Variants in CBL observed in about 807,000 individuals in gnomAD.
CBL encodes Cbl proto-oncogene, also known as E3 ubiquitin-protein ligase CBL.
Under a neutral mutation model 96.9 loss-of-function variants are expected in CBL, and 45 were observed. That is an observed-to-expected ratio of 0.46 (90% CI 0.37 to 0.60). CBL has a LOEUF of 0.60. Among genes scored for constraint, CBL ranks in the 20% least tolerant of loss-of-function variants. The pLI is 0.00. For synonymous variants in CBL, 420 were observed against 426.8 expected, an observed-to-expected ratio of 0.98 and a Z score of 0.20; for missense variants, 1,024 against 1,143.5, an observed-to-expected ratio of 0.90 and a Z score of 1.51.
intron 11 of CBL, among the ~76,000 whole-genome samples, chr11:119,286,431 C>A (rs1949985017): frequency 1.3e-5 from 2 of 152,126 alleles, no homozygotes; most frequent in Admixed American, 1.3e-4. Context: ...AGGTTATTCC[C>A]AGATAGGGCA....
rs1282381568 is a variant in CBL at position 119,307,176 on chromosome 11, A to G, written c.*7395A>G. 1 of 232,102 alleles carries G rather than the reference A, an allele frequency of 4.3e-6. No homozygotes were observed. Among genetic ancestry groups the G allele is most frequent in the Non-Finnish European group, 8.5e-6 (1 of 117,182 alleles). 14.4% of individuals were successfully genotyped at this position (232,102 alleles called of 1,614,324 possible). A position where few individuals can be genotyped will look rare whatever the true frequency, so the allele number is the denominator to read the frequency against. On this transcript the variant is annotated 3_prime_UTR_variant, in exon 16 of 16. Transcript: ENST00000264033. ...CTGTGAGACTTCAGTGGAGGAGAGAAGCATTGTACCCTGGGATCATTTGGT... is the reference window on the plus strand; with the variant it reads ...CTGTGAGACTTCAGTGGAGGAGAGAGGCATTGTACCCTGGGATCATTTGGT...
chr11:119,249,680 A>G (rs1026346407), intron 2 of CBL, among the ~76,000 whole-genome samples: 1 of 145,750 alleles, frequency 6.9e-6, no homozygotes, highest in African/African-American at 2.5e-5. Flanking sequence ...TTTTTTTTTT[A>G]ATTGAGACAG....
chr11:119,257,943 G>T (rs1204636261), intron 2 of CBL, among the ~76,000 whole-genome samples: 1 of 152,070 alleles, frequency 6.6e-6, no homozygotes, highest in East Asian at 1.9e-4. Flanking sequence ...AAAAATACTT[G>T]TGGCCGGGTG....
Position 119,273,941 on chromosome 11 carries a change from A to C in CBL, c.664A>C (p.Met222Leu), listed in dbSNP as rs773611782. 1.9e-5 allele frequency: 31 copies of C among 1,613,906 alleles called. No individual in the cohort carries two copies. The highest frequency in any genetic ancestry group is 2.2e-5 in the Non-Finnish European group (26 of 1,179,842). Residue 222 changes from methionine to leucine, a missense_variant, in exon 4 of 16, where the codon ATG becomes CTG. Physicochemically the swap from Met to Leu is conservative, Grantham distance 15. Transcript: ENST00000264033. The part of the protein sequence containing the change: ...VHPISSGLEA[M>L]ALKSTIDLTC... ...TCCCATCAGTTCTGGGCTGGAGGCCATGGCTCTGAAATCCACTATTGATCT... is the reference window on the plus strand; with the variant it reads ...TCCCATCAGTTCTGGGCTGGAGGCCCTGGCTCTGAAATCCACTATTGATCT...
intron 12 of CBL, among the ~76,000 whole-genome samples, chr11:119,290,897 C>T (rs538650789): frequency 1.3e-4 from 19 of 151,910 alleles, no homozygotes; most frequent in African/African-American, 4.1e-4. Context: ...AGGCTGGTCT[C>T]GAACTCCTGA....
intron 14 of CBL, 152 bp downstream of exon 14, chr11:119,297,633 T>G: frequency 1.4e-6 from 1 of 692,062 alleles, no homozygotes; most frequent in East Asian, 2.8e-5. Context: ...AATTTTTGTA[T>G]TTTTAGTAGA....
intron 2 of CBL, among the ~76,000 whole-genome samples, chr11:119,245,725 G>A (rs936066637): frequency 9.2e-5 from 14 of 151,848 alleles, no homozygotes; most frequent in Admixed American, 3.3e-4. Flanking sequence ...GCAAAACTCC[G>A]TCTCAAAAAA....
Position 119,274,952 on chromosome 11 carries a change from A to G in CBL, c.868A>G (p.Ser290Gly), listed in dbSNP as rs780039741. ...RLQKFIHKPG[S>G]YIFRLSCTRL... ...CCAGAAATTCATTCACAAACCTGGC[A>G]GGTCAGTTCAATGACGCAAAGAGAT... The change falls in exon 5 of 16, where the codon AGT (serine) becomes GGT (glycine). Residue 290 changes from serine (S) to glycine (G), a missense_variant and splice_region_variant. By Grantham distance (56) the Ser-to-Gly change is moderately conservative. Coordinates refer to ENST00000264033, the MANE Select transcript of CBL (RefSeq NM_005188.4). 2 of 1,613,818 alleles carry G rather than the reference A, an allele frequency of 1.2e-6. No homozygotes were observed. The highest frequency in any genetic ancestry group is 1.1e-5 in the South Asian group (1 of 91,034).
intron 2 of CBL, among the ~76,000 whole-genome samples, chr11:119,260,231 TTTTTTCTTTTTC>T (rs1396496140): frequency 2.0e-5 from 3 of 152,114 alleles, no homozygotes; most frequent in East Asian, 3.9e-4. Context: ...TTCTTTTTTT[TTTTTTCTTTTTC>T]TTTTCTTTTC....
intron 11 of CBL, among the ~76,000 whole-genome samples, 182 bp from the exon 12 acceptor site, chr11:119,287,670 T>C (rs972910073): frequency 1.2e-4 from 19 of 152,234 alleles, no homozygotes; most frequent in African/African-American, 3.9e-4. Context: ...CTCTAAACTT[T>C]ACATTTGAAG....
In CBL at chr11:119,307,809, A is replaced by C. The variant is rs1382176944; in HGVS notation, c.*8028A>C. The C allele has an allele frequency of 9.4e-6, 2 of 213,104 alleles. No individual in the cohort carries two copies. Among genetic ancestry groups the C allele is most frequent in the East Asian group, 1.4e-4 (2 of 14,126 alleles). The allele number at this position is 213,104 out of a possible 1,614,324, so 13.2% of individuals were successfully genotyped here. A position where few individuals can be genotyped will look rare whatever the true frequency, so the allele number is the denominator to read the frequency against. ...CAATTTGTATATCAGTGTTAAGAAGAAAACAAAACAAACACATAGGTGAGA... is the reference window on the plus strand; with the variant it reads ...CAATTTGTATATCAGTGTTAAGAAGCAAACAAAACAAACACATAGGTGAGA... On this transcript the variant is annotated 3_prime_UTR_variant, in exon 16 of 16. Coordinates refer to ENST00000264033, the MANE Select transcript of CBL (RefSeq NM_005188.4).
intron 2 of CBL, among the ~76,000 whole-genome samples, chr11:119,249,996 T>G (rs1949659399): frequency 1.3e-5 from 2 of 152,184 alleles, no homozygotes; most frequent in Non-Finnish European, 2.9e-5. Flanking sequence ...ACTCATAGAT[T>G]TAATTCTATT....
intron 1 of CBL, among the ~76,000 whole-genome samples, chr11:119,211,015 A>C (rs1949313019): frequency 2.0e-5 from 3 of 152,164 alleles, no homozygotes; most frequent in African/African-American, 7.2e-5. Context: ...CAACAACAAT[A>C]ATGAAAGAGT....
At chr11:119,222,951 G>GGATAACTTGAGGCCA (rs1949422789) in intron 1 of CBL, among the ~76,000 whole-genome samples, 1 of 152,096 alleles carries the variant, frequency 6.6e-6, no homozygotes, top group South Asian at 2.1e-4. Context: ...CCAGGAGGCA[G>GGATAACTTGAGGCCA]GATAACTTGA....
Position 119,301,878 on chromosome 11 carries a change from T to G in CBL, c.*2097T>G. On this transcript the variant is annotated 3_prime_UTR_variant, in exon 16 of 16. Coordinates refer to ENST00000264033, the MANE Select transcript of CBL (RefSeq NM_005188.4). Reference sequence around the variant, plus strand: ...TCAGTTTTGCATTTTGTTTAAATATTGAAGGCCTAGACAAAGAACTAGAAA... The same window carrying G: ...TCAGTTTTGCATTTTGTTTAAATATGGAAGGCCTAGACAAAGAACTAGAAA... 3 of 233,262 alleles carry G rather than the reference T, an allele frequency of 1.3e-5. No individual in the cohort carries two copies. Among genetic ancestry groups the G allele is most frequent in the Non-Finnish European group, 2.5e-5 (3 of 118,046 alleles). 14.4% of individuals were successfully genotyped at this position (233,262 alleles called of 1,614,324 possible).
intron 2 of CBL, among the ~76,000 whole-genome samples, chr11:119,246,638 G>A (rs954661071): frequency 1.3e-5 from 2 of 152,144 alleles, no homozygotes; most frequent in Non-Finnish European, 1.5e-5. Flanking sequence ...TTTTAGTAGA[G>A]ATGAGGTTTC....
chr11:119,303,080 G>A lies in CBL; in HGVS notation c.*3299G>A, dbSNP rs1950112570. ...TGTTTTCTCTATAGAAAAGTAAAAT[G>A]TGTTTATGGTCCCAAACAGTCAACT... is the stretch of plus-strand genomic sequence containing the variant. On this transcript the variant is annotated 3_prime_UTR_variant, in exon 16 of 16. Coordinates refer to ENST00000264033, the MANE Select transcript of CBL (RefSeq NM_005188.4). 1 of 231,226 alleles carries A rather than the reference G, an allele frequency of 4.3e-6. No individual in the cohort carries two copies. The highest frequency in any genetic ancestry group is 5.6e-5 in the Admixed American group (1 of 17,714). The allele number at this position is 231,226 out of a possible 1,614,324, so 14.3% of individuals were successfully genotyped here. A position where few individuals can be genotyped will look rare whatever the true frequency, so the allele number is the denominator to read the frequency against.
intron 2 of CBL, among the ~76,000 whole-genome samples, chr11:119,241,328 T>G (rs571309676): frequency 6.6e-6 from 1 of 152,312 alleles, no homozygotes; most frequent in East Asian, 1.9e-4. Context: ...CGAATGGGAT[T>G]ATACAGTGCA....
chr11:119,279,875 C>T (rs1439296965), intron 9 of CBL, among the ~76,000 whole-genome samples: 2 of 152,122 alleles, frequency 1.3e-5, no homozygotes, highest in African/African-American at 4.8e-5. Context: ...TGGTTGAGTG[C>T]TATATGGGAT....
Sources: allele counts gnomAD v4.1 joint callset (sites outside exome capture counted in the v4.1 genomes callset), GRCh38; gene constraint gnomAD v4.1.1; transcripts MANE v1.5; gene names NCBI Gene and HGNC (gene_info 2026-07-23, HGNC 2026-07-21).